ZNF493: variants seen among roughly 807,000 people sequenced by gnomAD.
ZNF493 encodes zinc finger protein 493.
Under a neutral mutation model 12.2 loss-of-function variants are expected in ZNF493, and 11 were observed. That is an observed-to-expected ratio of 0.90 (90% CI 0.57 to 1.50). The LOEUF is 1.50. ZNF493 is among the 40% of genes most tolerant of loss of function. The probability of loss-of-function intolerance (pLI) is 0.00; values close to 1 mark genes in which losing one functional copy is unlikely to be tolerated. For missense variants in ZNF493, 950 were observed against 906.6 expected (o/e 1.05, Z -0.61); for synonymous variants, 286 against 302.6 (o/e 0.95, Z 0.57).
chr19:21,418,979 G>A (rs530437515), intron 3 of ZNF493, among the ~76,000 whole-genome samples: 1 of 152,290 alleles, frequency 6.6e-6, no homozygotes, highest in Admixed American at 6.5e-5. Context: ...CAGTTTTGGG[G>A]CCACTTTTTG....
Position 21,425,853 on chromosome 19 carries a change from C to T in ZNF493, c.*869C>T. On this transcript the variant is annotated 3_prime_UTR_variant, in exon 4 of 4. Coordinates refer to ENST00000392288, the MANE Select transcript of ZNF493 (RefSeq NM_001076678.3). The stretch of plus-strand genomic sequence containing the variant: ...TAATTAATGATGGAGAGAAACCATA[C>T]AACTGTGAAGAATGTGGCAAAGCTT... 1.7e-6 allele frequency: 1 copy of T among 574,214 alleles called. No individual in the cohort carries two copies. The allele number at this position is 574,214 out of a possible 1,614,324, so 35.6% of individuals were successfully genotyped here. A position where few individuals can be genotyped will look rare whatever the true frequency, so the allele number is the denominator to read the frequency against.
At chr19:21,404,010 C>G (rs2030034941) in intron 1 of ZNF493, among the ~76,000 whole-genome samples, 1 of 152,074 alleles carries the variant, frequency 6.6e-6, no homozygotes, top group South Asian at 2.1e-4. Context: ...AGCTGGGGTC[C>G]TTAGTAAAGA....
chr19:21,423,674 C>T lies in ZNF493; in HGVS notation c.1015C>T (p.His339Tyr), dbSNP rs1307095954. Residue 339 changes from histidine (H) to tyrosine (Y), a missense_variant, in exon 4 of 4, where the codon CAT (histidine) becomes TAT (tyrosine). Transcript: ENST00000392288. ...TAGTATTTTCTCAACCCCTACTAAACATAAGATAATTCACACTGAAGAGAA... is the reference window on the plus strand; with the variant it reads ...TAGTATTTTCTCAACCCCTACTAAATATAAGATAATTCACACTGAAGAGAA... ...AFSIFSTPTKHKIIHTEEKSH... is the reference protein window; with the variant it reads ...AFSIFSTPTKYKIIHTEEKSH... The T allele has an allele frequency of 6.2e-7, 1 of 1,613,620 alleles. No homozygotes were observed. The highest frequency in any genetic ancestry group is 1.3e-5 in the African/African-American group (1 of 74,886).
In ZNF493 at chr19:21,422,995, T is replaced by C. The variant is rs201549995; in HGVS notation, c.336T>C (p.Tyr112=). Residue 112 remains tyrosine, a synonymous_variant, in exon 4 of 4, where the codon TAT becomes TAC. Coordinates refer to ENST00000392288, the MANE Select transcript of ZNF493 (RefSeq NM_001076678.3). ...DSFQKVILRE[Y]VKCGHKDLQL... ...TTCAAAAAGTGATACTGAGAGAATA[T>C]GTAAAATGTGGACATAAGGATTTAC... is the stretch of plus-strand genomic sequence containing the variant. 122 of 1,610,672 alleles carry C rather than the reference T, an allele frequency of 7.6e-5. No homozygotes were observed. The African/African-American group carries it at 1.3e-3, about 18-fold the overall frequency.
At chr19:21,404,638 C>A (rs1472024363) in intron 1 of ZNF493, among the ~76,000 whole-genome samples, 1 of 152,136 alleles carries the variant, frequency 6.6e-6, no homozygotes. Context: ...ACAAAATATT[C>A]TTTCTGGGCC....
rs1279806333 is a variant in ZNF493, at chr19:21,426,849, G to A, written c.*1865G>A. On this transcript the variant is annotated 3_prime_UTR_variant, in exon 4 of 4. Transcript: ENST00000392288. ...ATATTCTACTAAATGAGAGTTCTGA[G>A]TATAGAAAATAAAACTAAAGTTGGT... 1 of 166,978 alleles carries A rather than the reference G, an allele frequency of 6.0e-6. No homozygotes were observed. Among genetic ancestry groups the A allele is most frequent in the African/African-American group, 2.4e-5 (1 of 41,436 alleles). 10.3% of individuals were successfully genotyped at this position (166,978 alleles called of 1,614,324 possible).
At position 21,405,849 on chromosome 19, in the gene ZNF493, AC is replaced by A; in HGVS notation, c.251del (p.Pro84GlnfsTer24). On this transcript the variant is annotated frameshift_variant, in exon 3 of 4. Coordinates refer to ENST00000392288, the MANE Select transcript of ZNF493 (RefSeq NM_001076678.3). LOFTEE classifies it low-confidence loss of function (END_TRUNC). ...NMKGHSTVVK[P>X]PVICSHFAED... ...TGAAGGGACACAGTACGGTAGTCAA[AC>A]CCCCAGGTAGGTGAGAGTGAATGAA... 1 of 1,455,884 alleles carries A rather than the reference AC, an allele frequency of 6.9e-7. No homozygotes were observed. The highest frequency in any genetic ancestry group is 1.2e-5 in the South Asian group (1 of 83,592). 90.2% of individuals were successfully genotyped at this position (1,455,884 alleles called of 1,614,324 possible). A position where few individuals can be genotyped will look rare whatever the true frequency, so the allele number is the denominator to read the frequency against.
chr19:21,410,063 T>C (rs2030274006), intron 3 of ZNF493, among the ~76,000 whole-genome samples: 1 of 8,562 alleles, frequency 1.2e-4, no homozygotes. Flanking sequence ...ATTGTGTGTA[T>C]ATATATATAT....
In ZNF493 at chr19:21,424,991, T is replaced by G. The variant is rs185646052; in HGVS notation, c.*7T>G. On this transcript the variant is annotated 3_prime_UTR_variant, in exon 4 of 4. Coordinates refer to ENST00000392288, the MANE Select transcript of ZNF493 (RefSeq NM_001076678.3). Reference sequence around the variant, plus strand: ...AGAGACTGTACAAAAGTGAAGAATGTGGCAAAGGCCTTTACTGCTCCTATT... The same window carrying G: ...AGAGACTGTACAAAAGTGAAGAATGGGGCAAAGGCCTTTACTGCTCCTATT... 2.7e-5 allele frequency: 43 copies of G among 1,580,690 alleles called. No homozygotes were observed. In the Admixed American group the frequency reaches 5.2e-4, roughly 19 times the overall value.
At chr19:21,402,452 A>T (rs556015930) in intron 1 of ZNF493, among the ~76,000 whole-genome samples, 1 of 152,144 alleles carries the variant, frequency 6.6e-6, no homozygotes, top group East Asian at 1.9e-4. Flanking sequence ...TTAGGTAGAC[A>T]TATTAATAGA....
At chr19:21,397,530 C>G (rs1003982911) in intron 1 of ZNF493, 3 of 592,792 alleles carry the variant, frequency 5.1e-6, no homozygotes, top group Non-Finnish European at 9.0e-6. Context: ...GCACCCGCAG[C>G]GCCGCGTCTT....
intron 1 of ZNF493, among the ~76,000 whole-genome samples, chr19:21,400,197 G>A (rs774999845): frequency 2.6e-5 from 4 of 152,158 alleles, no homozygotes; most frequent in Admixed American, 6.5e-5. Context: ...AGATCACAAG[G>A]TCAAGAGATC....
intron 1 of ZNF493, 37 bp from the exon 2 acceptor site, chr19:21,405,092 G>A: frequency 1.3e-6 from 2 of 1,495,878 alleles, no homozygotes; most frequent in East Asian, 4.8e-5. Context: ...GTGTAAATGT[G>A]TGTGTGTGTG....
rs1245607678 is a variant in ZNF493, at chr19:21,427,331, C to A, written c.*2347C>A. The A allele has an allele frequency of 6.2e-6, 1 of 160,810 alleles. No individual in the cohort carries two copies. The highest frequency in any genetic ancestry group is 2.4e-5 in the African/African-American group (1 of 41,414). The allele number at this position is 160,810 out of a possible 1,614,324, so 10.0% of individuals were successfully genotyped here. ...TACTTTAAGTTTTAGGGTACATGTGCACAATGTGCAGGTTAGTTACATATG... is the reference window on the plus strand; with the variant it reads ...TACTTTAAGTTTTAGGGTACATGTGAACAATGTGCAGGTTAGTTACATATG... On this transcript the variant is annotated 3_prime_UTR_variant, in exon 4 of 4. Transcript: ENST00000392288.
At position 21,397,157 on chromosome 19, in the gene ZNF493, T is replaced by C; in HGVS notation, c.-81T>C. 1.9e-6 allele frequency: 3 copies of C among 1,541,640 alleles called. No homozygotes were observed. The highest frequency in any genetic ancestry group is 2.7e-6 in the Non-Finnish European group (3 of 1,114,344). On this transcript the variant is annotated 5_prime_UTR_variant, in exon 1 of 4. Coordinates refer to ENST00000392288, the MANE Select transcript of ZNF493 (RefSeq NM_001076678.3). ...CATTGTTTCTCTCTGCTGCCGGAGCTCCAGGTCTACCCTTCACTGCTCTGT... is the reference window on the plus strand; with the variant it reads ...CATTGTTTCTCTCTGCTGCCGGAGCCCCAGGTCTACCCTTCACTGCTCTGT...
chr19:21,423,421 A>G lies in ZNF493; in HGVS notation c.762A>G (p.Thr254=), dbSNP rs1207606504. The change falls in exon 4 of 4, where the codon ACA becomes ACG. Residue 254 remains threonine, a synonymous_variant. Coordinates refer to ENST00000392288, the MANE Select transcript of ZNF493 (RefSeq NM_001076678.3). ...TTAACCAGGACTCAAACCTTACTAC[A>G]CATAAGAGAATTCATACTGGACAGA... ...KSFNQDSNLT[T]HKRIHTGQKP... is the part of the protein sequence containing the mutation. The G allele has an allele frequency of 6.2e-7, 1 of 1,613,610 alleles. No homozygotes were observed. Among genetic ancestry groups the G allele is most frequent in the East Asian group, 2.2e-5 (1 of 44,798 alleles).
intron 1 of ZNF493, among the ~76,000 whole-genome samples, chr19:21,401,575 G>C (rs8102235): frequency 0.94 from 143,129 of 152,048 alleles, 67,602 homozygotes; most frequent in Middle Eastern, 1. Flanking sequence ...GTAAATTTGT[G>C]TGGTTCTTTG....
chr19:21,400,609 G>GT (rs1568376295), intron 1 of ZNF493, among the ~76,000 whole-genome samples: 3 of 151,928 alleles, frequency 2.0e-5, no homozygotes, highest in Non-Finnish European at 4.4e-5. Context: ...GGCCTAGTTA[G>GT]TTTTTTTTCT....
rs2030811541 is a variant in ZNF493, at chr19:21,424,879, C to T, written c.2220C>T (p.Pro740=). Residue 740 remains proline, a synonymous_variant, in exon 4 of 4, where the codon CCC becomes CCT. Coordinates refer to ENST00000392288, the MANE Select transcript of ZNF493 (RefSeq NM_001076678.3). ...KHKLIHTGDK[P]YKCEACGKAF... is the part of the protein sequence containing the mutation. ...AGCTAATTCATACTGGAGACAAACC[C>T]TACAAATGTGAAGCATGTGGCAAAG... 1.2e-6 allele frequency: 2 copies of T among 1,613,138 alleles called. No individual in the cohort carries two copies. Among genetic ancestry groups the T allele is most frequent in the Non-Finnish European group, 1.7e-6 (2 of 1,179,596 alleles).
Sources: gnomAD v4.1 joint callset for allele counts (sites outside exome capture counted in the v4.1 genomes callset) on GRCh38, gnomAD v4.1.1 for gene constraint, MANE v1.5 for transcripts, NCBI Gene and HGNC (gene_info 2026-07-23, HGNC 2026-07-21) for gene names.